Variants in GLUD1 observed in about 807,000 individuals in gnomAD.
GLUD1 encodes glutamate dehydrogenase 1, mitochondrial.
Under a neutral mutation model 56.0 loss-of-function variants are expected in GLUD1, and 22 were observed. The observed-to-expected ratio is 0.39, with a 90% CI of 0.28 to 0.56. The LOEUF (loss-of-function observed/expected upper bound fraction) is 0.56, where lower values mean the gene tolerates loss of function less well. Ranked by LOEUF, GLUD1 falls within the 20% of genes least tolerant of loss-of-function variation. The pLI, the probability that GLUD1 is intolerant of heterozygous loss-of-function variation, is 0.58. For synonymous variants in GLUD1, 223 were observed against 269.9 expected, an observed-to-expected ratio of 0.83 and a Z score of 1.70; for missense variants, 451 against 732.0, an observed-to-expected ratio of 0.62 and a Z score of 4.43.
rs898522551 is a variant in GLUD1, at chr10:87,094,235, G to T, written c.445+90C>A. The T allele has an allele frequency of 6.7e-7, 1 of 1,492,952 alleles. No individual in the cohort carries two copies. The highest frequency in any genetic ancestry group is 1.4e-5 in the African/African-American group (1 of 71,912). 92.5% of individuals were successfully genotyped at this position (1,492,952 alleles called of 1,614,324 possible). A position where few individuals can be genotyped will look rare whatever the true frequency, so the allele number is the denominator to read the frequency against. The stretch of plus-strand genomic sequence containing the variant: ...GCCCGCTCCAGCTGGGCTGGGCTGG[G>T]CTGAGCAGCGGCCCCGCACCGGCAG... On this transcript the variant is annotated intron_variant, in intron 1 of 12. Transcript: ENST00000277865. The surrounding 1 kb of genome is among the most constrained non-coding windows in gnomAD (Gnocchi z 6.6).
At chr10:87,074,430 G>A (rs1215052278) in intron 4 of GLUD1, 121 bp downstream of exon 4, 26 of 708,266 alleles carry the variant, frequency 3.7e-5, no homozygotes, top group Non-Finnish European at 6.8e-5. Context: ...GAACCCAGGA[G>A]GCGGACGAGA....
rs777627931 is a variant in GLUD1, at chr10:87,076,650, C to T, written c.452G>A (p.Arg151His). The change falls in exon 2 of 13, where the codon CGT becomes CAT. Residue 151 changes from arginine to histidine, a missense_variant. Arg to His is a conservative substitution (Grantham distance 29). Transcript: ENST00000277865. ...QHRTPCKGGI[R>H]YSTDVSVDEV... ...ATCTACACTCACATCAGTGCTGTAA[C>T]GGATACCTGGTGGTGTTTTTAAAAA... The T allele has an allele frequency of 4.4e-6, 7 of 1,593,782 alleles. No individual in the cohort carries two copies. The highest frequency in any genetic ancestry group is 1.3e-5 in the African/African-American group (1 of 74,588).
intron 1 of GLUD1, among the ~76,000 whole-genome samples, chr10:87,081,946 C>CA (rs71019464): frequency 0.04 from 3,431 of 85,604 alleles, 97 homozygotes; most frequent in African/African-American, 0.094. Flanking sequence ...ATGATCAATA[C>CA]AAAAAAAAAA....
At chr10:87,093,867 C>T in intron 1 of GLUD1, 1 of 1,203,856 alleles carries the variant, frequency 8.3e-7, no homozygotes, top group Non-Finnish European at 1.1e-6. Flanking sequence ...TCATCTGTCA[C>T]TATTGGAACA....
At position 87,050,908 on chromosome 10, in the gene GLUD1, T is replaced by C. The variant is rs1845615466; in HGVS notation, c.*843A>G. On this transcript the variant is annotated 3_prime_UTR_variant, in exon 13 of 13. Transcript: ENST00000277865. ...TTCAAAAGAGAACAATTAGTTAACATGATAAAAAGTGACTGCATTCTTTGG... is the reference window on the plus strand; with the variant it reads ...TTCAAAAGAGAACAATTAGTTAACACGATAAAAAGTGACTGCATTCTTTGG... 6.6e-6 allele frequency: 1 copy of C among 152,258 alleles called. No individual in the cohort carries two copies. The highest frequency in any genetic ancestry group is 2.4e-5 in the African/African-American group (1 of 41,460). The allele number at this position is 152,258 out of a possible 1,614,324, so 9.4% of individuals were successfully genotyped here. A position where few individuals can be genotyped will look rare whatever the true frequency, so the allele number is the denominator to read the frequency against.
Position 87,094,248 on chromosome 10 carries a change from C to A in GLUD1, c.445+77G>T, listed in dbSNP as rs1048827848. On this transcript the variant is annotated intron_variant, in intron 1 of 12. Coordinates refer to ENST00000277865, the MANE Select transcript of GLUD1 (RefSeq NM_005271.5). The surrounding 1 kb of genome is among the most constrained non-coding windows in gnomAD (Gnocchi z 6.6). ...GGGCTGGGCTGGGCTGAGCAGCGGC[C>A]CCGCACCGGCAGGAGGCCGGAGGGG... 2.6e-6 allele frequency: 4 copies of A among 1,517,604 alleles called. No individual in the cohort carries two copies. The African/African-American group carries it at 5.5e-5, about 21-fold the overall frequency. 94.0% of individuals were successfully genotyped at this position (1,517,604 alleles called of 1,614,324 possible).
intron 1 of GLUD1, among the ~76,000 whole-genome samples, chr10:87,089,116 TCTTCTAA>T (rs2133858170): frequency 6.6e-6 from 1 of 152,374 alleles, no homozygotes; most frequent in Non-Finnish European, 1.5e-5. Context: ...AGAAGGTAGG[TCTTCTAA>T]TAGCTTTTAA....
intron 1 of GLUD1, chr10:87,089,674 T>C (rs1253234754): frequency 1.0e-6 from 1 of 981,478 alleles, no homozygotes; most frequent in Admixed American, 6.2e-5. Flanking sequence ...TAGCTCCTTC[T>C]CCTAGTTTGT....
intron 12 of GLUD1, among the ~76,000 whole-genome samples, chr10:87,052,669 CAAAAAAAAAA>C (rs751155208): frequency 2.4e-5 from 1 of 41,724 alleles, no homozygotes; most frequent in Non-Finnish European, 4.7e-5. Flanking sequence ...AACTCCGTCT[CAAAAAAAAAA>C]AAAAAAAAAA....
At chr10:87,075,835 A>C in intron 3 of GLUD1, 133 bp downstream of exon 3, 33 of 695,756 alleles carry the variant, frequency 4.7e-5, no homozygotes, top group East Asian at 5.5e-5. Context: ...AACTGCTTGA[A>C]CCCGGGAGGC....
chr10:87,057,083 C>A (rs552323093), intron 11 of GLUD1, among the ~76,000 whole-genome samples: 2 of 152,072 alleles, frequency 1.3e-5, no homozygotes, highest in East Asian at 1.9e-4. Flanking sequence ...CTCCACCTCC[C>A]GGGTTCAAGT....
chr10:87,079,740 A>G (rs1351156770), intron 1 of GLUD1, among the ~76,000 whole-genome samples: 3 of 152,006 alleles, frequency 2.0e-5, no homozygotes, highest in Admixed American at 6.5e-5. Context: ...TGCTATAACA[A>G]GTATTACAAA....
At position 87,053,709 on chromosome 10, in the gene GLUD1, G is replaced by A. The variant is rs547157474; in HGVS notation, c.1495-305C>T. On this transcript the variant is annotated intron_variant, in intron 11 of 12. Transcript: ENST00000277865. ...GAGACATGAGGGCATGGAGTGAGAT[G>A]AGCACCCTCCACTCATGGAGACGCA... Among the ~76,000 whole-genome samples the A allele has an allele frequency of 2.6e-5, 4 of 152,294 alleles. No homozygotes were observed. The South Asian group carries it at 8.3e-4, about 32-fold the overall frequency.
At chr10:87,074,223 G>A (rs182181096) in intron 4 of GLUD1, among the ~76,000 whole-genome samples, 5 of 152,190 alleles carry the variant, frequency 3.3e-5, no homozygotes, top group East Asian at 1.9e-4. Context: ...GTAGGAGGCC[G>A]GGCACAGTGG....
intron 9 of GLUD1, among the ~76,000 whole-genome samples, chr10:87,059,666 G>T (rs1172189827): frequency 6.6e-6 from 1 of 152,146 alleles, no homozygotes; most frequent in Non-Finnish European, 1.5e-5. Context: ...GCCCATTTCA[G>T]TTACATTAAA....
At chr10:87,054,776 A>G (rs924406629) in intron 11 of GLUD1, among the ~76,000 whole-genome samples, 1 of 152,196 alleles carries the variant, frequency 6.6e-6, no homozygotes, top group African/African-American at 2.4e-5. Flanking sequence ...TCAGAGGGAA[A>G]CTGCTGATGT....
rs1019064998 is a variant in GLUD1, at chr10:87,057,882, T to G, written c.1403-100A>C. 1.8e-5 allele frequency: 13 copies of G among 711,594 alleles called. No individual in the cohort carries two copies. The East Asian group carries it at 3.4e-4, about 19-fold the overall frequency. The allele number at this position is 711,594 out of a possible 1,614,324, so 44.1% of individuals were successfully genotyped here. On this transcript the variant is annotated intron_variant, in intron 10 of 12. Coordinates refer to ENST00000277865, the MANE Select transcript of GLUD1 (RefSeq NM_005271.5). ...CAAACTATAACTGTAACCCAAAAAC[T>G]TATACAGACAGAGTCGTGGTCTGTC...
intron 4 of GLUD1, among the ~76,000 whole-genome samples, chr10:87,072,046 G>A (rs1355412690): frequency 6.6e-6 from 1 of 152,210 alleles, no homozygotes; most frequent in Non-Finnish European, 1.5e-5. Context: ...GCTGAGGTGG[G>A]AAGACTGCTT....
At chr10:87,093,030 A>T (rs1176671087) in intron 1 of GLUD1, among the ~76,000 whole-genome samples, 1 of 152,240 alleles carries the variant, frequency 6.6e-6, no homozygotes, top group Non-Finnish European at 1.5e-5. Flanking sequence ...AGGCAACCAG[A>T]GCTAGGGGAT....
Sources: allele counts gnomAD v4.1 joint callset (sites outside exome capture counted in the v4.1 genomes callset), GRCh38; gene constraint gnomAD v4.1.1; non-coding constraint Gnocchi (gnomAD v3.1); transcripts MANE v1.5; gene names NCBI Gene and HGNC (gene_info 2026-07-23, HGNC 2026-07-21).